The following PCYOX1L variants were observed in gnomAD, a reference collection of about 807,000 sequenced individuals.
PCYOX1L encodes prenylcysteine oxidase 1 like.
Under a neutral mutation model 44.1 loss-of-function variants are expected in PCYOX1L, and 40 were observed. The observed-to-expected ratio is 0.91, with a 90% CI of 0.70 to 1.18. The LOEUF is 1.18. Among genes scored for constraint, PCYOX1L ranks in the 50% most tolerant of loss-of-function variants. The pLI is 0.00. For missense variants in PCYOX1L, 605 were observed against 653.3 expected (o/e 0.93, Z 0.81); for synonymous variants, 266 against 282.8 (o/e 0.94, Z 0.60).
At chr5:149,358,361 T>G (rs1757913172) in intron 1 of PCYOX1L, among the ~76,000 whole-genome samples, 1 of 152,170 alleles carries the variant, frequency 6.6e-6, no homozygotes, top group Non-Finnish European at 1.5e-5. Context: ...GAGGGCCACC[T>G]AGGACGGAAA....
intron 1 of PCYOX1L, among the ~76,000 whole-genome samples, chr5:149,359,061 C>CA (rs1347583846): frequency 1.3e-5 from 2 of 149,910 alleles, no homozygotes; most frequent in Admixed American, 1.3e-4. Context: ...TTTACAGTTG[C>CA]TTTTTTTTTT....
chr5:149,368,260 T>C lies in PCYOX1L; in HGVS notation c.1091T>C (p.Phe364Ser). 1 of 1,614,172 alleles carries C rather than the reference T, an allele frequency of 6.2e-7. No homozygotes were observed. The highest frequency in any genetic ancestry group is 1.3e-5 in the African/African-American group (1 of 75,048). ...FPFANILTTD[F>S]PSFFCTLDNI... is the part of the protein sequence containing the mutation. ...TTTGCCAACATCCTTACCACAGATT[T>C]CCCCAGCTTCTTCTGCACTCTGGAC... The change falls in exon 6 of 6, where the codon TTC becomes TCC. Residue 364 changes from phenylalanine (F) to serine (S), a missense_variant. Coordinates refer to ENST00000274569, the MANE Select transcript of PCYOX1L (RefSeq NM_024028.4).
At chr5:149,366,399 T>C (rs571768495) in intron 4 of PCYOX1L, among the ~76,000 whole-genome samples, 1 of 152,340 alleles carries the variant, frequency 6.6e-6, no homozygotes, top group African/African-American at 2.4e-5. Context: ...CCACTCCCAA[T>C]TGCTTCATAA....
intron 1 of PCYOX1L, among the ~76,000 whole-genome samples, chr5:149,358,900 T>G (rs1757930840): frequency 6.6e-6 from 1 of 152,272 alleles, no homozygotes; most frequent in South Asian, 2.1e-4. Context: ...TAACTGCTGC[T>G]ATACTTGCTG....
At chr5:149,362,887 C>A in intron 2 of PCYOX1L, 44 bp downstream of exon 2, 1 of 1,598,290 alleles carries the variant, frequency 6.3e-7, no homozygotes, top group Non-Finnish European at 8.6e-7. Context: ...CGCCCTGGGG[C>A]TGGTGACAGC....
intron 2 of PCYOX1L, chr5:149,363,535 C>T (rs972334985): frequency 9.2e-5 from 20 of 216,986 alleles, no homozygotes; most frequent in Non-Finnish European, 1.7e-4. Context: ...AGTCTTTATG[C>T]CCAGATACAG....
At chr5:149,362,884 G>T in intron 2 of PCYOX1L, 41 bp downstream of exon 2, 1 of 1,605,000 alleles carries the variant, frequency 6.2e-7, no homozygotes, top group East Asian at 2.2e-5. Flanking sequence ...CAGCGCCCTG[G>T]GGCTGGTGAC....
At chr5:149,361,674 G>A (rs569748021) in intron 1 of PCYOX1L, among the ~76,000 whole-genome samples, 2 of 152,116 alleles carry the variant, frequency 1.3e-5, no homozygotes, top group Non-Finnish European at 2.9e-5. Flanking sequence ...TGTTTCCCAG[G>A]CTGGAGTGCA....
At chr5:149,363,270 C>T (rs1006817245) in intron 2 of PCYOX1L, 6 of 354,258 alleles carry the variant, frequency 1.7e-5, no homozygotes, top group Admixed American at 1.1e-4. Flanking sequence ...GCCATTACAG[C>T]GAGAGGTGGG....
intron 4 of PCYOX1L, among the ~76,000 whole-genome samples, chr5:149,366,563 C>T (rs1180689964): frequency 6.6e-6 from 1 of 152,238 alleles, no homozygotes; most frequent in Non-Finnish European, 1.5e-5. Context: ...GTGTAGCTCA[C>T]TGTCTGCTAG....
At chr5:149,367,559 T>G in intron 5 of PCYOX1L, 59 bp downstream of exon 5, 1 of 1,594,914 alleles carries the variant, frequency 6.3e-7, no homozygotes, top group Non-Finnish European at 8.5e-7. Context: ...GACAGACACT[T>G]CTGCCTCCTT....
chr5:149,368,815 C>A lies in PCYOX1L; in HGVS notation c.*161C>A. On this transcript the variant is annotated 3_prime_UTR_variant, in exon 6 of 6. Transcript: ENST00000274569. ...CCTACTGTCTGCCTATATTAAGGGT[C>A]CACACGGCGGCTGCTGCTTTTTTTT... is the stretch of plus-strand genomic sequence containing the variant. 1 of 566,148 alleles carries A rather than the reference C, an allele frequency of 1.8e-6. No individual in the cohort carries two copies. The highest frequency in any genetic ancestry group is 2.7e-6 in the Non-Finnish European group (1 of 371,818). The allele number at this position is 566,148 out of a possible 1,614,324, so 35.1% of individuals were successfully genotyped here.
chr5:149,364,147 A>G lies in PCYOX1L; in HGVS notation c.407A>G (p.His136Arg), dbSNP rs1026067152. Residue 136 changes from histidine to arginine, a missense_variant, in exon 3 of 6, where the codon CAC becomes CGC. By Grantham distance (29) the His-to-Arg change is conservative. Transcript: ENST00000274569. ...YLLNLFRLWWHYGISFLRLQM... is the reference protein window; with the variant it reads ...YLLNLFRLWWRYGISFLRLQM... ...CTGAACCTCTTCCGCCTCTGGTGGC[A>G]CTATGGCATCAGCTTCCTGAGGCTG... is the stretch of plus-strand genomic sequence containing the variant. 1.2e-6 allele frequency: 2 copies of G among 1,614,146 alleles called. No homozygotes were observed.
chr5:149,367,147 T>C (rs1758238522), intron 4 of PCYOX1L, among the ~76,000 whole-genome samples: 1 of 152,242 alleles, frequency 6.6e-6, no homozygotes, highest in Non-Finnish European at 1.5e-5. Context: ...ATATGTGGTC[T>C]CTGGGAGCTG....
At chr5:149,364,277 C>T in intron 3 of PCYOX1L, 67 bp downstream of exon 3, 1 of 1,567,544 alleles carries the variant, frequency 6.4e-7, no homozygotes, top group Non-Finnish European at 8.7e-7. Flanking sequence ...GAGGAACCAG[C>T]TTGCCTGTAC....
chr5:149,358,228 G>T (rs1757907683), intron 1 of PCYOX1L, 72 bp downstream of exon 1: 2 of 1,335,298 alleles, frequency 1.5e-6, no homozygotes, highest in Non-Finnish European at 1.9e-6. Flanking sequence ...TTCTCAGCTA[G>T]GTGGGGTATA....
intron 1 of PCYOX1L, 62 bp from the exon 2 acceptor site, chr5:149,362,575 C>G (rs1758037366): frequency 6.4e-7 from 1 of 1,559,862 alleles, no homozygotes; most frequent in Non-Finnish European, 8.8e-7. Context: ...AAAGTGTGAA[C>G]TACAGCCTCT....
At chr5:149,361,637 CT>C (rs1165983277) in intron 1 of PCYOX1L, among the ~76,000 whole-genome samples, 1 of 151,974 alleles carries the variant, frequency 6.6e-6, no homozygotes, top group Non-Finnish European at 1.5e-5. Flanking sequence ...ATTCCAGTCT[CT>C]TTTTTTTGAG....
intron 4 of PCYOX1L, among the ~76,000 whole-genome samples, chr5:149,366,374 TC>T (rs932178996): frequency 2.0e-5 from 3 of 152,236 alleles, no homozygotes; most frequent in Non-Finnish European, 4.4e-5. Context: ...AGATCACAGG[TC>T]CAGTGTGTTT....
Sources: gnomAD v4.1 joint callset for allele counts (sites outside exome capture counted in the v4.1 genomes callset) on GRCh38, gnomAD v4.1.1 for gene constraint, MANE v1.5 for transcripts, NCBI Gene and HGNC (gene_info 2026-07-23, HGNC 2026-07-21) for gene names.